ATP6V0A1: variants seen among roughly 807,000 people sequenced by gnomAD.
The protein encoded by ATP6V0A1 is ATPase H+ transporting V0 subunit a1.
ATP6V0A1 carries 43 observed loss-of-function variants against 105.4 expected under a neutral mutation model. The observed-to-expected ratio is 0.41, with a 90% confidence interval of 0.32 to 0.53. ATP6V0A1 has a LOEUF of 0.53. ATP6V0A1 is among the 20% of genes least tolerant of loss of function. The pLI, the probability that ATP6V0A1 is intolerant of heterozygous loss-of-function variation, is 0.30. For missense variants in ATP6V0A1, 676 were observed against 1,051.1 expected, an observed-to-expected ratio of 0.64 and a Z score of 4.93; for synonymous variants, 362 against 372.8, an observed-to-expected ratio of 0.97 and a Z score of 0.33.
At chr17:42,477,228 G>A (rs1448634651) in intron 5 of ATP6V0A1, among the ~76,000 whole-genome samples, 1 of 152,170 alleles carries the variant, frequency 6.6e-6, no homozygotes, top group African/African-American at 2.4e-5. Context: ...CAGAGTATCT[G>A]CAGAGTCTCT....
intron 2 of ATP6V0A1, among the ~76,000 whole-genome samples, chr17:42,465,083 C>T (rs990492335): frequency 6.6e-6 from 1 of 152,116 alleles, no homozygotes; most frequent in Non-Finnish European, 1.5e-5. Flanking sequence ...ACCTCTCCCT[C>T]CCAGGTTCAA....
chr17:42,518,966 T>C (rs2092731446), intron 21 of ATP6V0A1: 1 of 152,278 alleles, frequency 6.6e-6, no homozygotes, highest in East Asian at 1.9e-4. Flanking sequence ...GAAATTGCTT[T>C]CCAGCTTTGT....
chr17:42,479,187 G>A (rs1183587103), intron 7 of ATP6V0A1: 1 of 152,222 alleles, frequency 6.6e-6, no homozygotes, highest in Non-Finnish European at 1.5e-5. Flanking sequence ...TGGGATTATA[G>A]GCATAAGCCA....
chr17:42,484,552 G>A (rs976141866), intron 9 of ATP6V0A1, among the ~76,000 whole-genome samples: 4 of 152,084 alleles, frequency 2.6e-5, no homozygotes, highest in Admixed American at 2.6e-4. Context: ...AAAAGCTCTG[G>A]TGTGACTTTT....
Position 42,495,422 on chromosome 17 carries a change from A to G in ATP6V0A1, c.1470-204A>G, listed in dbSNP as rs192729652. Among the ~76,000 whole-genome samples, 484 of 149,040 alleles carry G rather than the reference A, an allele frequency of 3.2e-3. 1 individual carries two copies. The highest frequency in any genetic ancestry group is 5.0e-3 in the Non-Finnish European group (336 of 67,238). ...ACCAGATTCCCCAGTTCCCTACTTGATTGTGTGTTTGTGTGTTTAATTTTT... is the reference window on the plus strand; with the variant it reads ...ACCAGATTCCCCAGTTCCCTACTTGGTTGTGTGTTTGTGTGTTTAATTTTT... On this transcript the variant is annotated intron_variant, in intron 13 of 21. Coordinates refer to ENST00000343619, the MANE Select transcript of ATP6V0A1 (RefSeq NM_001130021.3).
chr17:42,476,013 T>C (rs982563206), intron 5 of ATP6V0A1, among the ~76,000 whole-genome samples: 1 of 152,190 alleles, frequency 6.6e-6, no homozygotes, highest in Non-Finnish European at 1.5e-5. Context: ...GATGGAGTCT[T>C]GTGAGTAGTC....
chr17:42,512,623 G>C (rs1433454978), intron 19 of ATP6V0A1, among the ~76,000 whole-genome samples: 1 of 152,262 alleles, frequency 6.6e-6, no homozygotes, highest in South Asian at 2.1e-4. Flanking sequence ...GCAGACGTTC[G>C]CCCAGAGATG....
chr17:42,485,726 T>C (rs1196891046), intron 9 of ATP6V0A1, among the ~76,000 whole-genome samples: 1 of 152,104 alleles, frequency 6.6e-6, no homozygotes, highest in African/African-American at 2.4e-5. Context: ...AATTATTTTT[T>C]GGTATGTTTT....
In ATP6V0A1 at chr17:42,507,576, T is replaced by C. The variant is rs1208832277; in HGVS notation, c.2061T>C (p.Ala687=). 1.4e-5 allele frequency: 23 copies of C among 1,613,440 alleles called. No individual in the cohort carries two copies. The East Asian group carries it at 5.1e-4, about 36-fold the overall frequency. The part of the protein sequence containing the change: ...RVGNGPTEED[A]EIIQHDQLST... ...GCAACGGACCGACAGAGGAGGATGC[T>C]GAGATTATTCAGCATGACCAGCTCT... is the stretch of plus-strand genomic sequence containing the variant. The change falls in exon 18 of 22, where the codon GCT becomes GCC. Residue 687 remains alanine, a synonymous_variant. Coordinates refer to ENST00000343619, the MANE Select transcript of ATP6V0A1 (RefSeq NM_001130021.3).
At chr17:42,469,889 G>A (rs1048336532) in intron 4 of ATP6V0A1, among the ~76,000 whole-genome samples, 2 of 152,116 alleles carry the variant, frequency 1.3e-5, no homozygotes, top group African/African-American at 2.4e-5. Context: ...TGATCCACCC[G>A]CCTCGGCCCA....
chr17:42,484,860 T>C (rs1276050191), intron 9 of ATP6V0A1, among the ~76,000 whole-genome samples: 3 of 150,686 alleles, frequency 2.0e-5, no homozygotes, highest in African/African-American at 7.3e-5. Context: ...TTCTTTTTTT[T>C]TTTTTTTGAG....
At chr17:42,462,850 C>T (rs1312638266) in intron 2 of ATP6V0A1, among the ~76,000 whole-genome samples, 6 of 151,834 alleles carry the variant, frequency 4.0e-5, no homozygotes, top group East Asian at 1.9e-4. Flanking sequence ...TGGACTCAAG[C>T]GGTTCTCCTG....
chr17:42,479,916 C>T (rs924447015), intron 7 of ATP6V0A1, among the ~76,000 whole-genome samples: 1 of 152,232 alleles, frequency 6.6e-6, no homozygotes, highest in Non-Finnish European at 1.5e-5. Context: ...GAGCAGGCTG[C>T]ACAAAGAATG....
At chr17:42,482,149 GTTTTGT>G (rs2089594633) in intron 8 of ATP6V0A1, among the ~76,000 whole-genome samples, 1 of 151,492 alleles carries the variant, frequency 6.6e-6, no homozygotes, top group African/African-American at 2.4e-5. Flanking sequence ...CCTTTTTTTT[GTTTTGT>G]TTTTGTTTTG....
intron 2 of ATP6V0A1, among the ~76,000 whole-genome samples, chr17:42,462,804 G>A (rs1458484590): frequency 6.6e-6 from 1 of 151,426 alleles, no homozygotes; most frequent in Admixed American, 6.6e-5. Context: ...TAGAGATGGG[G>A]GTCTCGCCAT....
Position 42,461,018 on chromosome 17 carries a change from A to C in ATP6V0A1, c.117+7A>C. ...AAAGGTTCAGTTTCGTGACGTAAGT[A>C]GTTGTGGGGCTGCGACTTGATTACT... On this transcript the variant is annotated splice_region_variant and intron_variant, in intron 2 of 21. Coordinates refer to ENST00000343619, the MANE Select transcript of ATP6V0A1 (RefSeq NM_001130021.3). 3 of 1,607,288 alleles carry C rather than the reference A, an allele frequency of 1.9e-6. No individual in the cohort carries two copies. The highest frequency in any genetic ancestry group is 1.7e-6 in the Non-Finnish European group (2 of 1,173,742).
intron 6 of ATP6V0A1, among the ~76,000 whole-genome samples, chr17:42,478,013 A>G (rs536146329): frequency 1.3e-5 from 2 of 152,278 alleles, no homozygotes; most frequent in South Asian, 4.1e-4. Context: ...CATATACACA[A>G]TGGAATACTA....
intron 15 of ATP6V0A1, among the ~76,000 whole-genome samples, chr17:42,499,950 T>G (rs1312132013): frequency 1.3e-5 from 2 of 151,674 alleles, no homozygotes; most frequent in East Asian, 3.9e-4. Context: ...AATTATTAGC[T>G]GTGGACTGGG....
chr17:42,476,861 T>C (rs2088822351), intron 5 of ATP6V0A1, among the ~76,000 whole-genome samples: 1 of 152,224 alleles, frequency 6.6e-6, no homozygotes, highest in African/African-American at 2.4e-5. Context: ...ATCCTACAAC[T>C]GTAAAGCCTA....
Sources: gnomAD v4.1 joint callset for allele counts (sites outside exome capture counted in the v4.1 genomes callset) on GRCh38, gnomAD v4.1.1 for gene constraint, MANE v1.5 for transcripts, NCBI Gene and HGNC (gene_info 2026-07-23, HGNC 2026-07-21) for gene names.